Variants in KLHL22 observed in about 807,000 individuals in gnomAD.
KLHL22 encodes the protein kelch-like protein 22.
In KLHL22, 18 loss-of-function variants were observed where a neutral mutation model predicts 60.7. The observed-to-expected ratio is 0.30, with a 90% CI of 0.20 to 0.44. The LOEUF (loss-of-function observed/expected upper bound fraction) is 0.44. Among genes scored for constraint, KLHL22 ranks in the 20% least tolerant of loss-of-function variants. KLHL22 has a pLI of 1.00. For missense variants in KLHL22, 596 were observed against 852.3 expected, an observed-to-expected ratio of 0.70 and a Z score of 3.74; for synonymous variants, 355 against 354.5, an observed-to-expected ratio of 1.00 and a Z score of -0.01.
intron 4 of KLHL22, among the ~76,000 whole-genome samples, chr22:20,458,263 T>C (rs2053096133): frequency 6.8e-6 from 1 of 146,020 alleles, no homozygotes; most frequent in African/African-American, 2.5e-5. Flanking sequence ...ACCTGGGCTG[T>C]CCAATGGCTC....
At position 20,465,060 on chromosome 22, in the gene KLHL22, C is replaced by T; in HGVS notation, c.910G>A (p.Gly304Arg). ...GTGGACGGCGTGGAGTGAATGCCCC[C>T]GAAGCCCACAACGCACTGGAAGTCC... ...RSDFQCVVGFGGIHSTPSTVL... is the reference protein window; with the variant it reads ...RSDFQCVVGFRGIHSTPSTVL... The change falls in exon 4 of 7, where the codon GGG becomes AGG. Residue 304 changes from glycine (G) to arginine (R), a missense_variant. By Grantham distance (125) the Gly-to-Arg change is moderately radical (BLOSUM62 -2). Transcript: ENST00000328879. The surrounding 1 kb of genome is among the most constrained non-coding windows in gnomAD (Gnocchi z 4.9). The T allele has an allele frequency of 6.2e-7, 1 of 1,611,956 alleles. No homozygotes were observed. Among genetic ancestry groups the T allele is most frequent in the Non-Finnish European group, 8.5e-7 (1 of 1,178,682 alleles).
At chr22:20,470,839 CATGG>C (rs1238537605) in intron 3 of KLHL22, among the ~76,000 whole-genome samples, 14 of 128,636 alleles carry the variant, frequency 1.1e-4, no homozygotes, top group Non-Finnish European at 2.2e-4. Context: ...TGCATGCATG[CATGG>C]ATGGATGGAT....
At position 20,449,377 on chromosome 22, in the gene KLHL22, A is replaced by G. The variant is rs1411678481; in HGVS notation, c.1306-2701T>C. On this transcript the variant is annotated intron_variant, in intron 5 of 6. Transcript: ENST00000328879. The stretch of plus-strand genomic sequence containing the variant: ...GCCCGGCTTCTTTTGCCCTCTTTTT[A>G]ATGGGGTTATTTGCAGTATTTTGCC... Among the ~76,000 whole-genome samples the G allele has an allele frequency of 2.0e-5, 3 of 147,082 alleles. No individual in the cohort carries two copies. In the East Asian group the frequency reaches 6.1e-4, roughly 30 times the overall value.
chr22:20,470,786 A>AGATAGATGGATG (rs1555912467), intron 3 of KLHL22, among the ~76,000 whole-genome samples: 49 of 137,764 alleles, frequency 3.6e-4, no homozygotes, highest in African/African-American at 1.3e-3. Flanking sequence ...ATGGATGGAT[A>AGATAGATGGATG]GATGGATGGA....
chr22:20,485,310 G>A (rs1242104359), intron 2 of KLHL22, among the ~76,000 whole-genome samples: 1 of 152,170 alleles, frequency 6.6e-6, no homozygotes, highest in Non-Finnish European at 1.5e-5. Context: ...AGGGTCAGGG[G>A]AGCCAAAGTA....
chr22:20,456,952 G>A (rs571801317), intron 5 of KLHL22, among the ~76,000 whole-genome samples: 58 of 152,262 alleles, frequency 3.8e-4, no homozygotes, highest in African/African-American at 1.2e-3. Context: ...TCAGGTGCTC[G>A]GTTATCCCCA....
chr22:20,488,688 G>GGAGGGGAGGGGAGAGGAGGGGAGGT, intron 2 of KLHL22: 1 of 462,892 alleles, frequency 2.2e-6, no homozygotes, highest in Non-Finnish European at 3.9e-6. Flanking sequence ...GTAAGGGAGG[G>GGAGGGGAGGGGAGAGGAGGGGAGGT]GAGGAGAGAA....
chr22:20,460,021 G>A (rs2053126479), intron 4 of KLHL22, among the ~76,000 whole-genome samples: 1 of 151,188 alleles, frequency 6.6e-6, no homozygotes, highest in Admixed American at 6.5e-5. Flanking sequence ...TGGGGCACAA[G>A]CCAGAAGAAG....
chr22:20,483,945 A>G (rs1443097917), intron 2 of KLHL22: 5 of 675,174 alleles, frequency 7.4e-6, no homozygotes, highest in Non-Finnish European at 1.4e-5. Context: ...GCAGCCCTGG[A>G]AGCTGGTGGA....
chr22:20,476,506 G>A lies in KLHL22; in HGVS notation c.228-4991C>T, dbSNP rs557761400. ...CGGCTCACTGCAGGTTCCGCCCCCC[G>A]GGGTTCACACCATTCTCCTGCCTCA... On this transcript the variant is annotated intron_variant, in intron 2 of 6. Transcript: ENST00000328879. 2.3e-3 allele frequency among the ~76,000 whole-genome samples: 304 copies of A among 134,648 alleles called. 2 individuals are homozygous for A. Among genetic ancestry groups the A allele is most frequent in the African/African-American group, 7.9e-3 (284 of 35,884 alleles). 88.3% of individuals were successfully genotyped at this position (134,648 alleles called of 152,430 possible).
chr22:20,490,275 G>A (rs1222572107), intron 1 of KLHL22, among the ~76,000 whole-genome samples: 1 of 152,198 alleles, frequency 6.6e-6, no homozygotes, highest in African/African-American at 2.4e-5. Context: ...GATACATTCT[G>A]AGACTTATAT....
At chr22:20,487,767 C>T (rs1402479018) in intron 2 of KLHL22, among the ~76,000 whole-genome samples, 2 of 152,186 alleles carry the variant, frequency 1.3e-5, no homozygotes, top group Non-Finnish European at 2.9e-5. Context: ...AGGTTTTTGA[C>T]AGATTAGCGA....
At chr22:20,447,211 CCT>C (rs1455124135) in intron 5 of KLHL22, among the ~76,000 whole-genome samples, 4 of 152,224 alleles carry the variant, frequency 2.6e-5, no homozygotes, top group African/African-American at 9.7e-5. Context: ...TTTTACCCTC[CCT>C]CTGTTGGGCT....
intron 2 of KLHL22, among the ~76,000 whole-genome samples, chr22:20,477,346 G>T (rs1413888034): frequency 6.6e-6 from 1 of 151,526 alleles, no homozygotes; most frequent in African/African-American, 2.4e-5. Flanking sequence ...AGCTGATATC[G>T]CACCACTACT....
rs371515188 is a variant in KLHL22, at chr22:20,475,615, G to T, written c.228-4100C>A. Among the ~76,000 whole-genome samples the T allele has an allele frequency of 5.9e-5, 9 of 151,552 alleles. No homozygotes were observed. The East Asian group carries it at 1.6e-3, about 26-fold the overall frequency. ...CTCACTCTGTTGCCCAAGCTGGAGT[G>T]CAGCAGCGCGATCTCGGCTCACCAC... On this transcript the variant is annotated intron_variant, in intron 2 of 6. Transcript: ENST00000328879.
chr22:20,445,568 G>C lies in KLHL22; in HGVS notation c.1539+875C>G, dbSNP rs60442381. Among the ~76,000 whole-genome samples, 646 of 152,240 alleles carry C rather than the reference G, an allele frequency of 4.2e-3. 10 individuals carry two copies. The East Asian group carries it at 0.056, about 13-fold the overall frequency. ...ATATTAACTTTATAATAAAAGTTTTGTTCTGTTGTTTTGTTTTATTTTGTT... is the reference window on the plus strand; with the variant it reads ...ATATTAACTTTATAATAAAAGTTTTCTTCTGTTGTTTTGTTTTATTTTGTT... On this transcript the variant is annotated intron_variant, in intron 6 of 6. Transcript: ENST00000328879.
At chr22:20,488,135 T>TAGAGAGAGATAAAGAGAAAGAG (rs1344956240) in intron 2 of KLHL22, among the ~76,000 whole-genome samples, 8 of 151,796 alleles carry the variant, frequency 5.3e-5, no homozygotes, top group African/African-American at 1.9e-4. Flanking sequence ...ATTAAAAAAA[T>TAGAGAGAGATAAAGAGAAAGAG]AGAGAGAGAT....
At chr22:20,473,338 G>A (rs572613586) in intron 2 of KLHL22, among the ~76,000 whole-genome samples, 1 of 152,282 alleles carries the variant, frequency 6.6e-6, no homozygotes, top group African/African-American at 2.4e-5. Flanking sequence ...CTGGGCCGAA[G>A]AGGACCCTTT....
At chr22:20,446,338 A>G (rs750468113) in intron 6 of KLHL22, 105 bp downstream of exon 6, 48 of 756,378 alleles carry the variant, frequency 6.3e-5, no homozygotes, top group Non-Finnish European at 1.1e-4. Flanking sequence ...GCTCTAAAAA[A>G]TAGTCTATTT....
Sources: gnomAD v4.1 joint callset for allele counts (sites outside exome capture counted in the v4.1 genomes callset) on GRCh38, gnomAD v4.1.1 for gene constraint, Gnocchi (gnomAD v3.1) non-coding constraint, MANE v1.5 for transcripts, NCBI Gene and HGNC (gene_info 2026-07-23, HGNC 2026-07-21) for gene names.